STAG1: variants seen among roughly 807,000 people sequenced by gnomAD.
The protein encoded by STAG1 is cohesin subunit SA-1.
Under a neutral mutation model 170.9 loss-of-function variants are expected in STAG1, and 26 were observed. The observed-to-expected ratio is 0.15, with a 90% confidence interval of 0.11 to 0.21. The LOEUF is 0.21. Ranked by LOEUF, STAG1 falls within the 10% of genes least tolerant of loss-of-function variation. The pLI is 1.00. For synonymous variants in STAG1, 514 were observed against 497.7 expected, an observed-to-expected ratio of 1.03 and a Z score of -0.44; for missense variants, 964 against 1,509.5, an observed-to-expected ratio of 0.64 and a Z score of 5.99.
chr3:136,669,059 C>G (rs529033411), intron 1 of STAG1, among the ~76,000 whole-genome samples: 1 of 152,336 alleles, frequency 6.6e-6, no homozygotes, highest in Admixed American at 6.5e-5. Context: ...ATCCCTCCTT[C>G]AACCGCAACA....
intron 6 of STAG1, among the ~76,000 whole-genome samples, chr3:136,535,112 C>A (rs1471130938): frequency 6.6e-6 from 1 of 152,106 alleles, no homozygotes; most frequent in Non-Finnish European, 1.5e-5. Flanking sequence ...AACTGGACAT[C>A]CTTATATTAA....
intron 25 of STAG1, among the ~76,000 whole-genome samples, chr3:136,365,328 T>A (rs1242189140): frequency 6.6e-6 from 1 of 152,204 alleles, no homozygotes; most frequent in Non-Finnish European, 1.5e-5. Context: ...CATCAAGTTG[T>A]TCCGAATTGA....
At chr3:136,442,455 G>A (rs2088659784) in intron 15 of STAG1, among the ~76,000 whole-genome samples, 1 of 152,140 alleles carries the variant, frequency 6.6e-6, no homozygotes, top group African/African-American at 2.4e-5. Context: ...TCAATTTGCT[G>A]TGCATATTAT....
At chr3:136,525,185 T>C (rs1934938430) in intron 6 of STAG1, among the ~76,000 whole-genome samples, 1 of 152,226 alleles carries the variant, frequency 6.6e-6, no homozygotes, top group African/African-American at 2.4e-5. Flanking sequence ...AGCTCCTCTT[T>C]GTACCTCTGG....
At chr3:136,484,801 T>C (rs1486394184) in intron 9 of STAG1, among the ~76,000 whole-genome samples, 2 of 151,654 alleles carry the variant, frequency 1.3e-5, no homozygotes, top group Non-Finnish European at 2.9e-5. Flanking sequence ...TTTAAGCCGG[T>C]CTGAAAAGCG....
intron 23 of STAG1, 72 bp downstream of exon 23, chr3:136,377,588 A>T (rs1352473069): frequency 5.4e-6 from 7 of 1,303,170 alleles, no homozygotes; most frequent in Middle Eastern, 3.7e-4. Context: ...GCCATAAAAA[A>T]TTGTATCTTC....
At chr3:136,465,418 G>A (rs192602123) in intron 12 of STAG1, among the ~76,000 whole-genome samples, 110 of 151,334 alleles carry the variant, frequency 7.3e-4, no homozygotes, top group Non-Finnish European at 8.0e-4. Context: ...ACGGGGTTTC[G>A]TCATGTTAGG....
intron 9 of STAG1, among the ~76,000 whole-genome samples, chr3:136,494,709 A>T (rs1932981196): frequency 6.6e-6 from 1 of 152,228 alleles, no homozygotes; most frequent in South Asian, 2.1e-4. Flanking sequence ...AACAGAAAAA[A>T]TAAAGAAATA....
At chr3:136,658,672 G>A (rs541924609) in intron 1 of STAG1, among the ~76,000 whole-genome samples, 9 of 152,106 alleles carry the variant, frequency 5.9e-5, no homozygotes, top group Non-Finnish European at 1.2e-4. Context: ...AATCATTTCC[G>A]AGGTGATGTT....
intron 9 of STAG1, among the ~76,000 whole-genome samples, chr3:136,494,051 G>A (rs1221160025): frequency 6.6e-6 from 1 of 152,158 alleles, no homozygotes; most frequent in Non-Finnish European, 1.5e-5. Context: ...CAGAAGGACT[G>A]CTTGAGGTCA....
chr3:136,720,724 G>A (rs1313440021), intron 1 of STAG1, among the ~76,000 whole-genome samples: 4 of 152,128 alleles, frequency 2.6e-5, no homozygotes, highest in Non-Finnish European at 5.9e-5. Flanking sequence ...AGGAGGCGGA[G>A]GTTGCAGTGA....
intron 10 of STAG1, among the ~76,000 whole-genome samples, chr3:136,475,840 G>C (rs370767509): frequency 2.6e-5 from 4 of 152,286 alleles, no homozygotes; most frequent in South Asian, 4.1e-4. Context: ...CAGGGCCAGG[G>C]TGTTTCATCA....
At position 136,631,832 on chromosome 3, in the gene STAG1, A is replaced by G. The variant is rs546585386; in HGVS notation, c.-83-851T>C. ...AACACAGGTATAGTTACAATTCCGG[A>G]CAGAAAGACAAAGTACAAGGCAGAA... On this transcript the variant is annotated intron_variant, in intron 1 of 33. Transcript: ENST00000383202. Among the ~76,000 whole-genome samples, 5 of 152,304 alleles carry G rather than the reference A, an allele frequency of 3.3e-5. No homozygotes were observed. In the South Asian group the frequency reaches 1.0e-3, roughly 32 times the overall value.
intron 15 of STAG1, among the ~76,000 whole-genome samples, chr3:136,435,677 C>CT (rs1172466382): frequency 4.0e-5 from 6 of 150,686 alleles, no homozygotes; most frequent in South Asian, 4.2e-4. Flanking sequence ...TTCTTTTTTT[C>CT]TTTTTTTTTG....
At chr3:136,557,525 ATTTT>A (rs1936671321) in intron 5 of STAG1, among the ~76,000 whole-genome samples, 1 of 152,080 alleles carries the variant, frequency 6.6e-6, no homozygotes, top group African/African-American at 2.4e-5. Context: ...GGTGTAAATA[ATTTT>A]TTAATTTTTA....
At chr3:136,512,110 A>T (rs1189841533) in intron 7 of STAG1, among the ~76,000 whole-genome samples, 1 of 150,658 alleles carries the variant, frequency 6.6e-6, no homozygotes. Flanking sequence ...AAAAAAAAAA[A>T]AAAAAAAAAA....
chr3:136,407,164 T>A (rs1013241576), intron 21 of STAG1, among the ~76,000 whole-genome samples: 1 of 152,134 alleles, frequency 6.6e-6, no homozygotes, highest in Non-Finnish European at 1.5e-5. Flanking sequence ...GTAGCTGGGA[T>A]TACAGGCATG....
At chr3:136,626,339 T>A (rs892498543) in intron 2 of STAG1, among the ~76,000 whole-genome samples, 2 of 150,958 alleles carry the variant, frequency 1.3e-5, no homozygotes, top group African/African-American at 4.9e-5. Context: ...GGCAGGAGAA[T>A]TGCTTGAACC....
intron 7 of STAG1, among the ~76,000 whole-genome samples, chr3:136,508,955 T>C (rs2107880107): frequency 6.6e-6 from 1 of 152,380 alleles, no homozygotes; most frequent in South Asian, 2.1e-4. Context: ...TCTGTTTCTC[T>C]GGGGGAACCC....
Sources: gnomAD v4.1 joint callset for allele counts (sites outside exome capture counted in the v4.1 genomes callset) on GRCh38, gnomAD v4.1.1 for gene constraint, MANE v1.5 for transcripts, NCBI Gene and HGNC (gene_info 2026-07-23, HGNC 2026-07-21) for gene names.